The following KIF4A variants were observed in gnomAD, a reference collection of about 807,000 sequenced individuals.
The protein encoded by KIF4A is kinesin family member 4A, also known as chromosome-associated kinesin KIF4A.
In KIF4A, 7 loss-of-function variants were observed where a neutral mutation model predicts 105.9. The ratio of observed to expected loss-of-function variants is 0.07; its 90% CI spans 0.04 to 0.12. The LOEUF (loss-of-function observed/expected upper bound fraction) is 0.12, where lower values mean the gene tolerates loss of function less well. Among genes scored for constraint, KIF4A ranks in the 10% least tolerant of loss-of-function variants. The pLI, the probability that KIF4A is intolerant of heterozygous loss-of-function variation, is 1.00. For synonymous variants in KIF4A, 281 were observed against 331.3 expected (o/e 0.85, Z 1.65); for missense variants, 558 against 929.2 (o/e 0.60, Z 5.19).
intron 28 of KIF4A, among the ~76,000 whole-genome samples, chrX:70,417,270 A>G (rs748982266): frequency 8.9e-6 from 1 of 112,531 alleles, no homozygotes; most frequent in East Asian, 2.8e-4. Context: ...TGGGAGGCCA[A>G]GGTGGGCTGA....
intron 20 of KIF4A, among the ~76,000 whole-genome samples, chrX:70,391,421 T>G (rs2086237035): frequency 8.9e-6 from 1 of 111,773 alleles, no homozygotes; most frequent in African/African-American, 3.3e-5. Flanking sequence ...AGGATGATGA[T>G]GAATAGGAGT....
At chrX:70,294,429 AC>A (rs1472352206) in intron 3 of KIF4A, among the ~76,000 whole-genome samples, 12 of 112,910 alleles carry the variant, frequency 1.1e-4, no homozygotes, top group African/African-American at 3.9e-4. Context: ...AAACACATAA[AC>A]TAGTAACAAT....
intron 18 of KIF4A, among the ~76,000 whole-genome samples, chrX:70,380,764 T>C (rs1390368828): frequency 8.9e-6 from 1 of 112,146 alleles, no homozygotes; most frequent in East Asian, 2.8e-4. Context: ...GACATGATCT[T>C]GTATATAGAA....
chrX:70,346,673 C>T (rs1441393509), intron 13 of KIF4A, among the ~76,000 whole-genome samples: 1 of 111,211 alleles, frequency 9.0e-6, no homozygotes, highest in Non-Finnish European at 1.9e-5. Context: ...TTGCCACAAA[C>T]TGATAAAGTT....
chrX:70,406,117 G>A lies in KIF4A; in HGVS notation c.2977-142G>A. On this transcript the variant is annotated intron_variant, in intron 26 of 30. Transcript: ENST00000374403. ...CTAATATTGTTGATATTGGAAAGTG[G>A]GAGTCAACGTACTCTACTATAATCC... 5.7e-6 allele frequency: 3 copies of A among 524,337 alleles called. No homozygotes were observed. In the South Asian group the frequency reaches 9.4e-5, roughly 16 times the overall value. The allele number at this position is 524,337 out of a possible 1,213,427, so 43.2% of individuals were successfully genotyped here.
chrX:70,420,105 A>G lies in KIF4A; in HGVS notation c.3539A>G (p.Lys1180Arg). The change falls in exon 31 of 31, where the codon AAG (lysine) becomes AGG (arginine). Residue 1180 changes from lysine (K) to arginine (R), a missense_variant. This residue lies in a region of KIF4A where 469 missense variants were observed against 680.4 expected (regional missense o/e 0.69). Transcript: ENST00000374403. ...GATGTGGAGCAGGTGCTGTCAAAGA[A>G]GACTCCCCCAGCTCCCTCCCCTTTT... The part of the protein sequence containing the change: ...MCDVEQVLSK[K>R]TPPAPSPFDL... 1 of 1,211,219 alleles carries G rather than the reference A, an allele frequency of 8.3e-7. No homozygotes were observed. The highest frequency in any genetic ancestry group is 1.7e-5 in the African/African-American group (1 of 57,667).
At chrX:70,377,062 A>G (rs1243848003) in intron 18 of KIF4A, among the ~76,000 whole-genome samples, 2 of 111,030 alleles carry the variant, frequency 1.8e-5, no homozygotes, top group African/African-American at 6.6e-5. Flanking sequence ...GGAGACTTCA[A>G]TCCACCTCTT....
intron 3 of KIF4A, among the ~76,000 whole-genome samples, chrX:70,291,205 A>G (rs979060420): frequency 1.8e-5 from 2 of 111,563 alleles, no homozygotes; most frequent in Non-Finnish European, 3.8e-5. Context: ...AGGAATGGAG[A>G]TAGATGACTA....
intron 23 of KIF4A, among the ~76,000 whole-genome samples, chrX:70,403,062 A>G (rs2086288128): frequency 8.9e-6 from 1 of 112,136 alleles, no homozygotes; most frequent in Admixed American, 9.5e-5. Flanking sequence ...TTTAAGATCC[A>G]GTCTAGAAAA....
chrX:70,407,100 T>G, intron 28 of KIF4A, 25 bp downstream of exon 28: 2 of 1,164,274 alleles, frequency 1.7e-6, no homozygotes, highest in South Asian at 3.9e-5. Flanking sequence ...TTCAACTTTT[T>G]TTTTGTTTTG....
At chrX:70,361,114 C>T (rs1179423619) in intron 15 of KIF4A, among the ~76,000 whole-genome samples, 2 of 112,930 alleles carry the variant, frequency 1.8e-5, no homozygotes, top group East Asian at 5.6e-4. Flanking sequence ...GGCTCCAGAG[C>T]TCTCAGCTCC....
intron 7 of KIF4A, among the ~76,000 whole-genome samples, chrX:70,304,112 GCA>G (rs2085815826): frequency 1.4e-5 from 1 of 69,062 alleles, no homozygotes; most frequent in Non-Finnish European, 2.6e-5. Context: ...ACAACAGTCC[GCA>G]GAGTGTGATG....
chrX:70,313,557 C>T (rs901310001), intron 7 of KIF4A, among the ~76,000 whole-genome samples: 29 of 112,215 alleles, frequency 2.6e-4, no homozygotes, highest in Admixed American at 2.5e-3. Flanking sequence ...GATACCTTGA[C>T]CATTGTCCCA....
At chrX:70,353,894 T>C in intron 15 of KIF4A, 87 bp downstream of exon 15, 1 of 802,236 alleles carries the variant, frequency 1.2e-6, no homozygotes, top group Non-Finnish European at 1.7e-6. Context: ...TAATTTTTGA[T>C]GATGAAAAGA....
intron 27 of KIF4A, among the ~76,000 whole-genome samples, chrX:70,406,654 G>A (rs1410165678): frequency 1.8e-5 from 2 of 111,308 alleles, no homozygotes; most frequent in Non-Finnish European, 3.8e-5. Flanking sequence ...CATATCATGA[G>A]TTTCCCTTTC....
intron 13 of KIF4A, among the ~76,000 whole-genome samples, chrX:70,352,273 G>T (rs760504518): frequency 1.8e-5 from 2 of 111,921 alleles, no homozygotes; most frequent in East Asian, 5.6e-4. Flanking sequence ...TCCATAAAAT[G>T]GGTTAAACTT....
intron 17 of KIF4A, 67 bp from the exon 18 acceptor site, chrX:70,376,033 A>G: frequency 2.8e-6 from 2 of 718,697 alleles, no homozygotes; most frequent in Non-Finnish European, 4.3e-6. Context: ...TGGTAAGTCT[A>G]TCCATCCGCA....
At chrX:70,403,218 G>A (rs1268883114) in intron 23 of KIF4A, among the ~76,000 whole-genome samples, 2 of 112,326 alleles carry the variant, frequency 1.8e-5, no homozygotes, top group Non-Finnish European at 3.8e-5. Flanking sequence ...TTTCACTCAA[G>A]ATAAGCATAC....
chrX:70,375,160 G>T lies in KIF4A; in HGVS notation c.1779-44G>T, dbSNP rs1194018096. On this transcript the variant is annotated intron_variant, in intron 16 of 30. Coordinates refer to ENST00000374403, the MANE Select transcript of KIF4A (RefSeq NM_012310.5). ...CTAGTATTATGTCTTTTGAAGTCAG[G>T]CTTTGCTGCTGGTAGTCCTCACTTC... is the stretch of plus-strand genomic sequence containing the variant. The T allele has an allele frequency of 2.5e-6, 3 of 1,194,382 alleles. No individual in the cohort carries two copies. The Admixed American group carries it at 6.8e-5, about 27-fold the overall frequency.
Sources: allele counts gnomAD v4.1 joint callset (sites outside exome capture counted in the v4.1 genomes callset), GRCh38; gene constraint gnomAD v4.1.1; regional missense constraint gnomAD v4.1.1; transcripts MANE v1.5; gene names NCBI Gene and HGNC (gene_info 2026-07-23, HGNC 2026-07-21).